Variants in BANP observed in about 807,000 individuals in gnomAD.
BANP encodes the protein BTG3 associated nuclear protein, also known as protein BANP.
A neutral mutation model predicts 68.1 loss-of-function variants in BANP; 11 were observed. The observed-to-expected ratio is 0.16, with a 90% CI of 0.10 to 0.27. The LOEUF is 0.27. BANP is among the 10% of genes least tolerant of loss of function. The pLI, the probability that BANP is intolerant of heterozygous loss-of-function variation, is 1.00. For missense variants in BANP, 504 were observed against 722.7 expected (o/e 0.70, Z 3.47); for synonymous variants, 329 against 303.2 (o/e 1.09, Z -0.88).
intron 11 of BANP, among the ~76,000 whole-genome samples, chr16:88,046,675 C>T (rs2082094197): frequency 1.3e-5 from 2 of 151,806 alleles, no homozygotes; most frequent in African/African-American, 2.4e-5. Context: ...CCTCCTGAGT[C>T]GCTGGGATTA....
At chr16:88,028,891 AT>A (rs2077528559) in intron 8 of BANP, among the ~76,000 whole-genome samples, 1 of 152,200 alleles carries the variant, frequency 6.6e-6, no homozygotes, top group Non-Finnish European at 1.5e-5. Flanking sequence ...ATGTGTGATC[AT>A]TTTTACAGTG....
At chr16:88,061,098 C>G (rs1461463183) in intron 11 of BANP, among the ~76,000 whole-genome samples, 3 of 152,192 alleles carry the variant, frequency 2.0e-5, no homozygotes, top group Admixed American at 6.5e-5. Context: ...AGTTTTTAGC[C>G]TTTGTGTTGC....
At chr16:87,983,619 G>A (rs1243278329) in intron 3 of BANP, among the ~76,000 whole-genome samples, 3 of 152,138 alleles carry the variant, frequency 2.0e-5, no homozygotes, top group South Asian at 2.1e-4. Flanking sequence ...AGGGGGTCCC[G>A]TCACCTTTTC....
chr16:87,992,519 C>T (rs2066111617), intron 4 of BANP, among the ~76,000 whole-genome samples: 1 of 152,110 alleles, frequency 6.6e-6, no homozygotes, highest in Admixed American at 6.5e-5. Context: ...AACTGCCAGT[C>T]ACGGTGGCTC....
intron 4 of BANP, among the ~76,000 whole-genome samples, chr16:87,993,840 A>G (rs879893788): frequency 1.3e-5 from 2 of 152,250 alleles, no homozygotes; most frequent in Non-Finnish European, 2.9e-5. Flanking sequence ...ACCTCAGGTG[A>G]TCCGCCTGCC....
At chr16:88,006,658 A>T (rs1480547950) in intron 6 of BANP, among the ~76,000 whole-genome samples, 1 of 150,448 alleles carries the variant, frequency 6.6e-6, no homozygotes, top group African/African-American at 2.5e-5. Context: ...AAAAAAAAAA[A>T]GTGATACAGT....
intron 1 of BANP, chr16:87,952,665 A>C (rs1441089205): frequency 6.6e-6 from 1 of 152,248 alleles, no homozygotes; most frequent in Non-Finnish European, 1.5e-5. Flanking sequence ...CCAGTGCTAG[A>C]AGAAAACACC....
chr16:88,051,463 G>A (rs1033691671), intron 11 of BANP, among the ~76,000 whole-genome samples: 35 of 152,304 alleles, frequency 2.3e-4, no homozygotes, highest in African/African-American at 7.9e-4. Context: ...TGCCTCCTTC[G>A]GGCTCAGCCT....
At chr16:88,066,200 C>A (rs1417900720) in intron 12 of BANP, among the ~76,000 whole-genome samples, 2 of 152,188 alleles carry the variant, frequency 1.3e-5, no homozygotes, top group Non-Finnish European at 2.9e-5. Context: ...CCAGGGGATC[C>A]CTCAGGTACA....
At chr16:88,019,997 G>A (rs1473748088) in intron 7 of BANP, among the ~76,000 whole-genome samples, 3 of 152,188 alleles carry the variant, frequency 2.0e-5, no homozygotes, top group Admixed American at 6.5e-5. Context: ...TGTCCCAGGC[G>A]TGTGCCCCAG....
upstream of BANP, among the ~76,000 whole-genome samples, chr16:87,950,202 T>C (rs1396183154): frequency 6.6e-6 from 1 of 151,854 alleles, no homozygotes; most frequent in East Asian, 2.0e-4. Context: ...CCAGTGAAAA[T>C]AGCTGCCTCG....
At chr16:88,053,651 A>C (rs1231396644) in intron 11 of BANP, among the ~76,000 whole-genome samples, 5 of 123,808 alleles carry the variant, frequency 4.0e-5, no homozygotes, top group Admixed American at 8.0e-5. Context: ...ACCATCACCA[A>C]CACAGTCACC....
At chr16:88,056,062 T>G (rs1424552430) in intron 11 of BANP, among the ~76,000 whole-genome samples, 2 of 152,194 alleles carry the variant, frequency 1.3e-5, no homozygotes, top group East Asian at 3.9e-4. Context: ...AGCTGGCTCT[T>G]CAGCTTCCTT....
At chr16:88,067,548 T>C (rs929830805) in intron 12 of BANP, among the ~76,000 whole-genome samples, 1 of 152,170 alleles carries the variant, frequency 6.6e-6, no homozygotes, top group Non-Finnish European at 1.5e-5. Context: ...TTTGAGATAC[T>C]TTATGGGTAT....
At chr16:88,076,513 C>A in intron 13 of BANP, 77 bp from the exon 14 acceptor site, 1 of 1,308,468 alleles carries the variant, frequency 7.6e-7, no homozygotes, top group Non-Finnish European at 1.1e-6. Flanking sequence ...CTTAAAGTCA[C>A]TGGCTGTTCA....
chr16:87,963,154 C>T (rs2059475468), intron 1 of BANP, among the ~76,000 whole-genome samples: 1 of 152,076 alleles, frequency 6.6e-6, no homozygotes, highest in South Asian at 2.1e-4. Flanking sequence ...CACACAGAAG[C>T]CGTCTGAGGA....
intron 3 of BANP, among the ~76,000 whole-genome samples, chr16:87,981,483 C>T (rs1238617791): frequency 1.3e-5 from 2 of 152,056 alleles, no homozygotes; most frequent in Non-Finnish European, 2.9e-5. Context: ...CCAGGTTGAT[C>T]TCATTGACTA....
chr16:88,031,588 G>T (rs1247265475), intron 8 of BANP, among the ~76,000 whole-genome samples: 2 of 150,918 alleles, frequency 1.3e-5, no homozygotes, highest in Non-Finnish European at 2.9e-5. Context: ...GGCGGAAGTT[G>T]CAGTGAGCCA....
chr16:88,016,521 G>A (rs986990509), intron 6 of BANP, among the ~76,000 whole-genome samples: 5 of 152,328 alleles, frequency 3.3e-5, no homozygotes, highest in African/African-American at 9.6e-5. Context: ...CGCTGTGTTC[G>A]ATGACATTGA....
Sources: gnomAD v4.1 joint callset for allele counts (sites outside exome capture counted in the v4.1 genomes callset) on GRCh38, gnomAD v4.1.1 for gene constraint, MANE v1.5 for transcripts, NCBI Gene and HGNC (gene_info 2026-07-23, HGNC 2026-07-21) for gene names.